CES5A: variants seen among roughly 807,000 people sequenced by gnomAD.
The protein encoded by CES5A is carboxylesterase 5A, also known as carboxylesterase 5.
A neutral mutation model predicts 62.9 loss-of-function variants in CES5A; 67 were observed. That is an observed-to-expected ratio of 1.07 (90% CI 0.88 to 1.31). The LOEUF is 1.31. Ranked by LOEUF, CES5A falls within the 50% of genes most tolerant of loss-of-function variation. CES5A has a pLI of 0.00. For missense variants in CES5A, 748 were observed against 708.5 expected (o/e 1.06, Z -0.63); for synonymous variants, 296 against 280.8 (o/e 1.05, Z -0.54).
intron 1 of CES5A, among the ~76,000 whole-genome samples, chr16:55,916,504 C>G (rs2034150087): frequency 1.3e-5 from 2 of 152,166 alleles, no homozygotes. Context: ...TCAGCCATGT[C>G]AGATTTATCT....
At chr16:55,861,819 C>T (rs1475703125) in intron 6 of CES5A, among the ~76,000 whole-genome samples, 5 of 152,172 alleles carry the variant, frequency 3.3e-5, no homozygotes, top group Non-Finnish European at 7.3e-5. Context: ...ACAAAGAGAT[C>T]AGTCCTGTGA....
intron 2 of CES5A, 129 bp downstream of exon 2, chr16:55,873,704 G>A (rs1228193601): frequency 2.4e-6 from 2 of 839,770 alleles, no homozygotes; most frequent in Middle Eastern, 2.6e-4. Context: ...ACTCGCCCGA[G>A]TCTCAAGCCC....
At chr16:55,955,108 C>T (rs529518081) in intron 1 of CES5A, among the ~76,000 whole-genome samples, 5 of 152,280 alleles carry the variant, frequency 3.3e-5, no homozygotes, top group African/African-American at 1.2e-4. Context: ...CTGCTGCTTC[C>T]CTGACCCCTT....
chr16:55,895,394 G>A lies in CES5A; in HGVS notation c.-255-21357C>T, dbSNP rs553453280. On this transcript the variant is annotated intron_variant, in intron 1 of 12. Coordinates refer to the CES5A transcript ENST00000518005. ...CACGGGGGGCAGTACTGCCCAAAGC[G>A]TGGGAGCCCAGCCCTCACACCAGTG... Among the ~76,000 whole-genome samples the A allele has an allele frequency of 6.6e-5, 10 of 152,346 alleles. No homozygotes were observed. In the East Asian group the frequency reaches 9.6e-4, roughly 15 times the overall value.
chr16:55,881,228 C>A (rs2033758279), intron 1 of CES5A, among the ~76,000 whole-genome samples: 1 of 152,164 alleles, frequency 6.6e-6, no homozygotes. Context: ...TCAAGATCAC[C>A]CAATCCACTC....
upstream of CES5A, among the ~76,000 whole-genome samples, chr16:55,877,099 G>T (rs1381778267): frequency 6.6e-6 from 1 of 152,144 alleles, no homozygotes; most frequent in Non-Finnish European, 1.5e-5. Flanking sequence ...TTGCTGTGGA[G>T]ACCACAACAA....
Position 55,853,977 on chromosome 16 carries a change from G to A in CES5A, c.1126-949C>T, listed in dbSNP as rs762762312. Among the ~76,000 whole-genome samples, 8 of 152,180 alleles carry A rather than the reference G, an allele frequency of 5.3e-5. 1 individual carries two copies. The highest frequency in any genetic ancestry group is 6.5e-5 in the Admixed American group (1 of 15,282). On this transcript the variant is annotated intron_variant, in intron 9 of 12. Coordinates refer to ENST00000290567, the MANE Select transcript of CES5A (RefSeq NM_001143685.2). ...TCAGACTCGTTTATTGGGTCCTCAG[G>A]AGGCTGGTGGTTTTTAATCAGGCCA...
intron 3 of CES5A, among the ~76,000 whole-genome samples, chr16:55,870,437 C>A (rs1477761659): frequency 6.6e-6 from 1 of 152,116 alleles, no homozygotes; most frequent in Non-Finnish European, 1.5e-5. Context: ...CAGTGGCTCA[C>A]GCCTGTAATC....
chr16:55,883,542 G>A (rs149406044), intron 1 of CES5A, among the ~76,000 whole-genome samples: 6 of 152,238 alleles, frequency 3.9e-5, no homozygotes, highest in African/African-American at 9.6e-5. Context: ...CAGAGTGCTG[G>A]GATTACAGGT....
At chr16:55,853,112 T>C in intron 9 of CES5A, 84 bp from the exon 10 acceptor site, 1 of 1,405,746 alleles carries the variant, frequency 7.1e-7, no homozygotes, top group Non-Finnish European at 9.9e-7. Flanking sequence ...GGTATGATTC[T>C]GAATGCTTTA....
intron 9 of CES5A, among the ~76,000 whole-genome samples, chr16:55,855,608 G>C (rs2033225080): frequency 6.6e-6 from 1 of 152,152 alleles, no homozygotes. Context: ...CTCAGGGTGG[G>C]GGAAACACCC....
chr16:55,856,513 C>T, intron 8 of CES5A, 68 bp from the exon 9 acceptor site: 2 of 1,473,282 alleles, frequency 1.4e-6, no homozygotes, highest in Non-Finnish European at 1.9e-6. Flanking sequence ...TCCCCAAGGG[C>T]CTGGGCAGCT....
chr16:55,891,927 T>A (rs1325306023), intron 1 of CES5A, among the ~76,000 whole-genome samples: 2 of 152,210 alleles, frequency 1.3e-5, no homozygotes, highest in African/African-American at 4.8e-5. Context: ...TATTTTGAAA[T>A]GGCCCTGCAA....
At chr16:55,884,544 C>T (rs1323545328) in intron 1 of CES5A, among the ~76,000 whole-genome samples, 1 of 152,160 alleles carries the variant, frequency 6.6e-6, no homozygotes, top group African/African-American at 2.4e-5. Flanking sequence ...CCTCTCCTGC[C>T]ATGTCCCCTG....
intron 2 of CES5A, among the ~76,000 whole-genome samples, chr16:55,938,385 T>A (rs773105330): frequency 8.6e-5 from 13 of 151,978 alleles, no homozygotes; most frequent in Non-Finnish European, 1.9e-4. Context: ...AGCTAATTGC[T>A]CTCTCAAGGA....
intron 7 of CES5A, 125 bp downstream of exon 7, chr16:55,861,287 A>G: frequency 1.6e-6 from 1 of 635,072 alleles, no homozygotes; most frequent in East Asian, 2.7e-5. Flanking sequence ...TACAGCTGTT[A>G]CCAAGTACCT....
chr16:55,954,961 T>C (rs1213483547), intron 1 of CES5A, among the ~76,000 whole-genome samples: 1 of 152,214 alleles, frequency 6.6e-6, no homozygotes, highest in Non-Finnish European at 1.5e-5. Flanking sequence ...CCTTTTCTTC[T>C]CTGGACCTTA....
intron 2 of CES5A, chr16:55,944,569 A>G (rs541032786): frequency 6.4e-6 from 1 of 155,610 alleles, no homozygotes; most frequent in African/African-American, 2.4e-5. Flanking sequence ...CCAGCCCGTT[A>G]CATCACTTCT....
At position 55,871,775 on chromosome 16, in the gene CES5A, AGAG is replaced by A; in HGVS notation, c.279-15_279-13del. ...AGTTCTGGAGGCACCTTGGAGAAGG[AGAG>A]GAGAAAACCCTCAGAAAAAGTTATC... is the stretch of plus-strand genomic sequence containing the variant. On this transcript the variant is annotated splice_polypyrimidine_tract_variant and intron_variant, in intron 2 of 12. Transcript: ENST00000290567. 1 of 1,613,324 alleles carries A rather than the reference AGAG, an allele frequency of 6.2e-7. No homozygotes were observed. The highest frequency in any genetic ancestry group is 1.1e-5 in the South Asian group (1 of 91,002).
Sources: allele counts gnomAD v4.1 joint callset (sites outside exome capture counted in the v4.1 genomes callset), GRCh38; gene constraint gnomAD v4.1.1; transcripts MANE v1.5; gene names NCBI Gene and HGNC (gene_info 2026-07-23, HGNC 2026-07-21).